Variants in LINGO2 observed in about 807,000 individuals in gnomAD.
The protein encoded by LINGO2 is leucine-rich repeat and immunoglobulin-like domain-containing nogo receptor-interacting protein 2.
In LINGO2, 14 loss-of-function variants were observed where a neutral mutation model predicts 30.6. The observed-to-expected ratio is 0.46, with a 90% CI of 0.30 to 0.72. LINGO2 has a LOEUF of 0.72. Ranked by LOEUF, LINGO2 falls within the 30% of genes least tolerant of loss-of-function variation. The pLI is 0.07. For missense variants in LINGO2, 729 were observed against 751.7 expected (o/e 0.97, Z 0.35); for synonymous variants, 317 against 288.5 (o/e 1.10, Z -1.00).
the LINGO2 span, among the ~76,000 whole-genome samples, chr9:28,803,123 T>A: frequency 6.6e-6 from 1 of 152,052 alleles, no homozygotes; most frequent in Non-Finnish European, 1.5e-5. Context: ...TAGATCTTGT[T>A]ATGGGGCTAT....
the LINGO2 span, among the ~76,000 whole-genome samples, chr9:29,151,794 T>C: frequency 6.6e-6 from 1 of 152,166 alleles, no homozygotes; most frequent in East Asian, 1.9e-4. Context: ...TATACAGTAA[T>C]AGTGGGAAAC....
intron 1 of LINGO2, among the ~76,000 whole-genome samples, chr9:28,616,569 A>T (rs1248390735): frequency 6.6e-6 from 1 of 152,230 alleles, no homozygotes; most frequent in Admixed American, 6.5e-5. Context: ...GTATGAGGGC[A>T]CACAGAAATG....
chr9:28,636,328 G>T (rs1827272405), intron 1 of LINGO2, among the ~76,000 whole-genome samples: 1 of 152,024 alleles, frequency 6.6e-6, no homozygotes, highest in Non-Finnish European at 1.5e-5. Flanking sequence ...TAATCCTTTG[G>T]GTATATACCC....
At chr9:28,330,543 G>A (rs970787779) in intron 3 of LINGO2, among the ~76,000 whole-genome samples, 2 of 152,126 alleles carry the variant, frequency 1.3e-5, no homozygotes, top group Non-Finnish European at 2.9e-5. Flanking sequence ...TAAGGGCTGT[G>A]CTTGGTACAT....
chr9:28,242,665 A>G lies in LINGO2; in HGVS notation c.-87+52543T>C, dbSNP rs148501827. 8.1e-3 allele frequency among the ~76,000 whole-genome samples: 1,233 copies of G among 152,290 alleles called. 24 individuals carry two copies. The highest frequency in any genetic ancestry group is 0.029 in the African/African-American group (1,189 of 41,550). On this transcript the variant is annotated intron_variant, in intron 4 of 5. Coordinates refer to ENST00000379992, the Ensembl canonical transcript of LINGO2. ...CATGAGAAGATCAACCCCAAGACACATAATGATCAGATTCTCCAAGGTTGA... is the reference window on the plus strand; with the variant it reads ...CATGAGAAGATCAACCCCAAGACACGTAATGATCAGATTCTCCAAGGTTGA...
intron 4 of LINGO2, among the ~76,000 whole-genome samples, chr9:28,122,032 G>A (rs113282506): frequency 0.018 from 2,702 of 151,408 alleles, 39 homozygotes; most frequent in Non-Finnish European, 0.029. Flanking sequence ...TGACTTACAT[G>A]GAAAAATCAG....
In LINGO2 at chr9:28,111,462, G is replaced by A. The variant is rs1158847130; in HGVS notation, c.-86-99057C>T. On this transcript the variant is annotated intron_variant, in intron 4 of 5. Coordinates refer to ENST00000379992, the Ensembl canonical transcript of LINGO2. ...GACATCATGCGTTCCTCCTATGTGAGTTTACTGGAATTGTACAGAAAAAAA... is the reference window on the plus strand; with the variant it reads ...GACATCATGCGTTCCTCCTATGTGAATTTACTGGAATTGTACAGAAAAAAA... Among the ~76,000 whole-genome samples the A allele has an allele frequency of 2.6e-5, 4 of 152,022 alleles. No homozygotes were observed. The South Asian group carries it at 8.3e-4, about 31-fold the overall frequency.
chr9:28,588,213 C>G (rs1251271714), intron 1 of LINGO2, among the ~76,000 whole-genome samples: 1 of 151,710 alleles, frequency 6.6e-6, no homozygotes, highest in Non-Finnish European at 1.5e-5. Flanking sequence ...TCCTCCTACA[C>G]AACCTCCCAC....
the LINGO2 span, among the ~76,000 whole-genome samples, chr9:29,068,162 C>T: frequency 1.3e-5 from 2 of 151,594 alleles, no homozygotes; most frequent in African/African-American, 4.8e-5. Context: ...ATTCAGGTCT[C>T]CAGTCTGCAA....
the LINGO2 span, among the ~76,000 whole-genome samples, chr9:28,717,503 A>T: frequency 6.6e-6 from 1 of 152,126 alleles, no homozygotes; most frequent in South Asian, 2.1e-4. Flanking sequence ...AAAGCAATCA[A>T]CAGTAAACAA....
At chr9:28,371,613 T>C (rs1302672632) in intron 3 of LINGO2, among the ~76,000 whole-genome samples, 1 of 152,162 alleles carries the variant, frequency 6.6e-6, no homozygotes, top group Non-Finnish European at 1.5e-5. Context: ...GATAAAAACA[T>C]TCAGGCCATA....
the LINGO2 span, among the ~76,000 whole-genome samples, chr9:29,191,437 T>A: frequency 5.3e-5 from 8 of 152,322 alleles, no homozygotes; most frequent in South Asian, 1.4e-3. Flanking sequence ...ACATATACAT[T>A]TTTTATTATG....
exon 6 of LINGO2, chr9:27,950,468 C>A (rs768816306): frequency 1.2e-6 from 2 of 1,607,388 alleles, no homozygotes; most frequent in Admixed American, 1.7e-5. Context: ...CGCTTTTTAG[C>A]CTGTTTTTAC....
chr9:28,108,194 C>T lies in LINGO2; in HGVS notation c.-86-95789G>A, dbSNP rs117789941. On this transcript the variant is annotated intron_variant, in intron 4 of 5. Transcript: ENST00000379992. ...AGCTACAATACCCAGTGACTCAATA[C>T]CAAATGCTATCTTTGAAAGGGAACA... is the stretch of plus-strand genomic sequence containing the variant. Among the ~76,000 whole-genome samples the T allele has an allele frequency of 9.2e-3, 1,407 of 152,188 alleles. 18 individuals carry two copies. Among genetic ancestry groups the T allele is most frequent in the Non-Finnish European group, 0.012 (833 of 68,010 alleles).
chr9:27,950,491 T>C (rs773137977), exon 6 of LINGO2: 7 of 1,598,840 alleles, frequency 4.4e-6, no homozygotes, highest in Non-Finnish European at 6.0e-6. Flanking sequence ...AGGTCCAAGA[T>C]TTTGGTTTCG....
intron 4 of LINGO2, among the ~76,000 whole-genome samples, chr9:28,082,459 A>G (rs550496679): frequency 6.9e-6 from 1 of 145,966 alleles, no homozygotes; most frequent in African/African-American, 2.4e-5. Context: ...TCACATCTTA[A>G]TACAATTTTT....
intron 5 of LINGO2, among the ~76,000 whole-genome samples, chr9:27,952,688 T>C (rs1387888795): frequency 6.6e-6 from 1 of 152,080 alleles, no homozygotes; most frequent in Non-Finnish European, 1.5e-5. Flanking sequence ...AAAATACAAA[T>C]GATTGGCTTG....
chr9:28,297,346 G>A (rs1823961555), intron 3 of LINGO2, among the ~76,000 whole-genome samples: 1 of 152,030 alleles, frequency 6.6e-6, no homozygotes, highest in Admixed American at 6.6e-5. Context: ...ACTAACTTTT[G>A]TTCATTTATT....
chr9:29,036,207 C>T, the LINGO2 span, among the ~76,000 whole-genome samples: 19 of 152,012 alleles, frequency 1.2e-4, no homozygotes, highest in Admixed American at 1.1e-3. Flanking sequence ...GGCATTTGCA[C>T]GTTGAGCATT....
Sources: gnomAD v4.1 joint callset for allele counts (sites outside exome capture counted in the v4.1 genomes callset) on GRCh38, gnomAD v4.1.1 for gene constraint, MANE v1.5 for transcripts, NCBI Gene and HGNC (gene_info 2026-07-23, HGNC 2026-07-21) for gene names.